Variants in WNT3A observed in about 807,000 individuals in gnomAD.
WNT3A encodes the protein protein Wnt-3a.
In WNT3A, 17 loss-of-function variants were observed where a neutral mutation model predicts 37.0. The ratio of observed to expected loss-of-function variants is 0.46; its 90% CI spans 0.31 to 0.69. The LOEUF (loss-of-function observed/expected upper bound fraction) is 0.69, where lower values mean the gene tolerates loss of function less well. WNT3A is among the 30% of genes least tolerant of loss of function. The pLI is 0.05. For missense variants in WNT3A, 411 were observed against 510.2 expected, an observed-to-expected ratio of 0.81 and a Z score of 1.87; for synonymous variants, 187 against 211.0, an observed-to-expected ratio of 0.89 and a Z score of 0.99.
intron 2 of WNT3A, among the ~76,000 whole-genome samples, chr1:228,040,679 C>A (rs1008562147): frequency 7.9e-5 from 12 of 151,782 alleles, no homozygotes; most frequent in Non-Finnish European, 1.6e-4. Context: ...GTCAGGAGAT[C>A]GAGACCATCC....
chr1:228,048,098 C>T (rs1224244814), intron 2 of WNT3A, among the ~76,000 whole-genome samples: 1 of 152,168 alleles, frequency 6.6e-6, no homozygotes, highest in Non-Finnish European at 1.5e-5. Flanking sequence ...CATTGCAGGC[C>T]TCTGCCAAGG....
At chr1:228,041,774 A>AC (rs1558291822) in intron 2 of WNT3A, among the ~76,000 whole-genome samples, 2 of 152,108 alleles carry the variant, frequency 1.3e-5, no homozygotes, top group African/African-American at 2.4e-5. Flanking sequence ...CAGGCAAAAA[A>AC]CCTAACACAC....
intron 2 of WNT3A, among the ~76,000 whole-genome samples, chr1:228,030,276 A>G (rs1387295113): frequency 1.3e-5 from 2 of 151,672 alleles, no homozygotes; most frequent in African/African-American, 4.8e-5. Context: ...GGCATCTGTA[A>G]TCCCAGCTAG....
In WNT3A at chr1:228,059,232, G is replaced by T; in HGVS notation, c.826G>T (p.Ala276Ser). ...PTERDLVYYE[A>S]SPNFCEPNPE... ...GGAGCGCGACCTGGTCTACTACGAGGCCTCGCCCAACTTCTGCGAGCCCAA... is the reference window on the plus strand; with the variant it reads ...GGAGCGCGACCTGGTCTACTACGAGTCCTCGCCCAACTTCTGCGAGCCCAA... Residue 276 changes from alanine to serine, a missense_variant, in exon 4 of 4, where the codon GCC (alanine) becomes TCC (serine). Transcript: ENST00000284523. 2 of 1,610,338 alleles carry T rather than the reference G, an allele frequency of 1.2e-6. No homozygotes were observed. The highest frequency in any genetic ancestry group is 8.5e-7 in the Non-Finnish European group (1 of 1,179,624).
intron 3 of WNT3A, among the ~76,000 whole-genome samples, chr1:228,057,662 A>C (rs2031707484): frequency 6.6e-6 from 1 of 152,172 alleles, no homozygotes; most frequent in Non-Finnish European, 1.5e-5. Flanking sequence ...CAGGATTGGG[A>C]CCCAGAGCCC....
At chr1:228,026,011 G>A (rs2030846572) in intron 2 of WNT3A, among the ~76,000 whole-genome samples, 1 of 150,990 alleles carries the variant, frequency 6.6e-6, no homozygotes, top group Non-Finnish European at 1.5e-5. Context: ...CTCTCGCCTT[G>A]GCCTTCCAAA....
chr1:228,017,757 C>T (rs931949251), intron 1 of WNT3A, among the ~76,000 whole-genome samples: 2 of 152,104 alleles, frequency 1.3e-5, no homozygotes, highest in Non-Finnish European at 2.9e-5. Context: ...AGTGGGCTGG[C>T]GGAGACAGCG....
intron 2 of WNT3A, among the ~76,000 whole-genome samples, chr1:228,030,120 C>T (rs1404968714): frequency 7.9e-5 from 12 of 151,644 alleles, no homozygotes; most frequent in Admixed American, 5.9e-4. Context: ...ATAGGCCAGG[C>T]GTGGTGGCTC....
Position 228,059,584 on chromosome 1 carries a change from C to A in WNT3A, c.*119C>A. 7.2e-7 allele frequency: 1 copy of A among 1,389,736 alleles called. No individual in the cohort carries two copies. The highest frequency in any genetic ancestry group is 9.3e-7 in the Non-Finnish European group (1 of 1,079,424). The allele number at this position is 1,389,736 out of a possible 1,614,324, so 86.1% of individuals were successfully genotyped here. On this transcript the variant is annotated 3_prime_UTR_variant, in exon 4 of 4. Coordinates refer to ENST00000284523, the MANE Select transcript of WNT3A (RefSeq NM_033131.4). ...ACTCCTCCCTGGGGGCGGGACTCCT[C>A]CCTGGGGGTGGGGCTCCTACCTGGG...
intron 3 of WNT3A, among the ~76,000 whole-genome samples, chr1:228,055,170 AAAAAAAAAAATATATATATAT>A (rs1221877934): frequency 2.3e-4 from 17 of 72,764 alleles, no homozygotes; most frequent in African/African-American, 1.0e-3. Flanking sequence ...AAAAAAAAAA[AAAAAAAAAAATATATATATAT>A]ATATATATAT....
intron 1 of WNT3A, among the ~76,000 whole-genome samples, chr1:228,020,735 T>C (rs1328754062): frequency 6.6e-6 from 1 of 152,234 alleles, no homozygotes; most frequent in Non-Finnish European, 1.5e-5. Context: ...GGGAGCCGAC[T>C]GTGCAAGGAC....
At position 228,059,355 on chromosome 1, in the gene WNT3A, A is replaced by G. The variant is rs2031746115; in HGVS notation, c.949A>G (p.Asn317Asp). ...CDLLCCGRGH[N>D]ARAERRREKC... ...CCTGCTGTGCTGCGGCCGCGGCCAC[A>G]ACGCGCGAGCGGAGCGGCGCCGGGA... The change falls in exon 4 of 4, where the codon AAC (asparagine) becomes GAC (aspartate). Residue 317 changes from asparagine (N) to aspartate (D), a missense_variant. By Grantham distance (23) the Asn-to-Asp change is conservative. Transcript: ENST00000284523. 6.4e-7 allele frequency: 1 copy of G among 1,566,210 alleles called. No homozygotes were observed. The highest frequency in any genetic ancestry group is 8.6e-7 in the Non-Finnish European group (1 of 1,160,242).
intron 2 of WNT3A, among the ~76,000 whole-genome samples, chr1:228,034,784 T>C (rs778078558): frequency 3.3e-5 from 5 of 152,184 alleles, no homozygotes; most frequent in Admixed American, 6.5e-5. Context: ...TTAAAGTTTG[T>C]GGAAAACAGG....
At chr1:228,058,659 TG>T (rs1226769138) in intron 3 of WNT3A, among the ~76,000 whole-genome samples, 1 of 152,264 alleles carries the variant, frequency 6.6e-6, no homozygotes. Flanking sequence ...GCACTCTGAC[TG>T]CTGTGGCTCT....
Position 228,040,243 on chromosome 1 carries a change from A to G in WNT3A, c.314-10413A>G, listed in dbSNP as rs140693711. 4.7e-4 allele frequency among the ~76,000 whole-genome samples: 72 copies of G among 152,284 alleles called. 4 individuals are homozygous for G. The East Asian group carries it at 0.014, about 29-fold the overall frequency. On this transcript the variant is annotated intron_variant, in intron 2 of 3. Transcript: ENST00000284523. Reference sequence around the variant, plus strand: ...CTCACTGCTGTGCAGCCTGGGGCCCATGGCTGACCCTCTCTGAGCCATCTT... The same window carrying G: ...CTCACTGCTGTGCAGCCTGGGGCCCGTGGCTGACCCTCTCTGAGCCATCTT...
At position 228,060,085 on chromosome 1, in the gene WNT3A, G is replaced by A. The variant is rs2031770541; in HGVS notation, c.*620G>A. 22 of 1,242,516 alleles carry A rather than the reference G, an allele frequency of 1.8e-5. No individual in the cohort carries two copies. The South Asian group carries it at 2.9e-4, about 16-fold the overall frequency. 77.0% of individuals were successfully genotyped at this position (1,242,516 alleles called of 1,614,324 possible). On this transcript the variant is annotated 3_prime_UTR_variant, in exon 4 of 4. Coordinates refer to ENST00000284523, the MANE Select transcript of WNT3A (RefSeq NM_033131.4). ...CTCTGGGTGGGCGTGGCCTGCATAG[G>A]CTCCTTCCTGTGGGTGGGGCTTCTC...
chr1:228,037,294 C>G lies in WNT3A; in HGVS notation c.314-13362C>G, dbSNP rs1375571232. ...CCAGGGTATCCCCACTCAAAGCACA[C>G]GGCCAGATTCCTGGTTGGTGCCCCA... is the stretch of plus-strand genomic sequence containing the variant. On this transcript the variant is annotated intron_variant, in intron 2 of 3. Coordinates refer to ENST00000284523, the MANE Select transcript of WNT3A (RefSeq NM_033131.4). The surrounding 1 kb of genome is among the most constrained non-coding windows in gnomAD (Gnocchi z 4.1). 1.3e-5 allele frequency among the ~76,000 whole-genome samples: 2 copies of G among 152,112 alleles called. No individual in the cohort carries two copies. Among genetic ancestry groups the G allele is most frequent in the Non-Finnish European group, 2.9e-5 (2 of 68,008 alleles).
chr1:228,024,538 A>C (rs1001615102), intron 2 of WNT3A, among the ~76,000 whole-genome samples: 3 of 151,902 alleles, frequency 2.0e-5, no homozygotes, highest in Admixed American at 6.6e-5. Context: ...TTGAGTTGTG[A>C]GTGTTCTTTA....
intron 2 of WNT3A, among the ~76,000 whole-genome samples, chr1:228,048,215 G>A (rs901862165): frequency 6.6e-6 from 1 of 152,196 alleles, no homozygotes; most frequent in African/African-American, 2.4e-5. Context: ...CATAGAGAGG[G>A]CCCATCGGAG....
Sources: allele counts gnomAD v4.1 joint callset (sites outside exome capture counted in the v4.1 genomes callset), GRCh38; gene constraint gnomAD v4.1.1; non-coding constraint Gnocchi (gnomAD v3.1); transcripts MANE v1.5; gene names NCBI Gene and HGNC (gene_info 2026-07-23, HGNC 2026-07-21).